The following PBX1 variants were observed in gnomAD, a reference collection of about 807,000 sequenced individuals.
The protein encoded by PBX1 is PBX homeobox 1, also known as pre-B-cell leukemia transcription factor 1.
A neutral mutation model predicts 53.4 loss-of-function variants in PBX1; 6 were observed. The ratio of observed to expected loss-of-function variants is 0.11; its 90% CI spans 0.06 to 0.22. The LOEUF (loss-of-function observed/expected upper bound fraction) is 0.22, where lower values mean the gene tolerates loss of function less well. Ranked by LOEUF, PBX1 falls within the 10% of genes least tolerant of loss-of-function variation. The pLI is 1.00. For synonymous variants in PBX1, 204 were observed against 212.3 expected, an observed-to-expected ratio of 0.96 and a Z score of 0.34; for missense variants, 251 against 551.4, an observed-to-expected ratio of 0.46 and a Z score of 5.46.
rs748537001 is a variant in PBX1, at chr1:164,564,827, T to A, written c.265+1516T>A. ...CTTAAGTGTGTGTGTATATATATAT[T>A]TATATATATTTTTTTATCTTCTCTC... On this transcript the variant is annotated intron_variant, in intron 2 of 8. Coordinates refer to ENST00000420696, the MANE Select transcript of PBX1 (RefSeq NM_002585.4). Among the ~76,000 whole-genome samples, 67 of 151,650 alleles carry A rather than the reference T, an allele frequency of 4.4e-4. 1 individual carries two copies. The Middle Eastern group carries it at 0.01, about 23-fold the overall frequency.
intron 8 of PBX1, among the ~76,000 whole-genome samples, chr1:164,841,360 G>A (rs1271451060): frequency 6.6e-6 from 1 of 152,160 alleles, no homozygotes; most frequent in East Asian, 1.9e-4. Context: ...GTGTTGATAG[G>A]GGAAGTAAGC....
intron 2 of PBX1, among the ~76,000 whole-genome samples, chr1:164,743,136 C>A (rs1665704559): frequency 6.6e-6 from 1 of 152,124 alleles, no homozygotes; most frequent in Non-Finnish European, 1.5e-5. Flanking sequence ...GGTATTTTAG[C>A]TATTGTATTC....
chr1:164,834,684 A>G (rs1303264632), intron 8 of PBX1, among the ~76,000 whole-genome samples: 1 of 151,530 alleles, frequency 6.6e-6, no homozygotes, highest in Non-Finnish European at 1.5e-5. Flanking sequence ...AACTATTAAC[A>G]CTCTTCACAG....
chr1:164,849,510 T>A lies in PBX1; in HGVS notation c.*2834T>A. On this transcript the variant is annotated 3_prime_UTR_variant, in exon 9 of 9. Coordinates refer to ENST00000420696, the MANE Select transcript of PBX1 (RefSeq NM_002585.4). ...TTCCTGGGAATTCACATGAGGCCAG[T>A]CCTACAGAGAGCAAGATGCACCCCA... 1 of 1,473,192 alleles carries A rather than the reference T, an allele frequency of 6.8e-7. No homozygotes were observed. The highest frequency in any genetic ancestry group is 1.4e-5 in the African/African-American group (1 of 71,824). 91.3% of individuals were successfully genotyped at this position (1,473,192 alleles called of 1,614,324 possible). A position where few individuals can be genotyped will look rare whatever the true frequency, so the allele number is the denominator to read the frequency against.
At chr1:164,587,078 G>A (rs1654998949) in intron 2 of PBX1, among the ~76,000 whole-genome samples, 1 of 152,142 alleles carries the variant, frequency 6.6e-6, no homozygotes, top group Admixed American at 6.6e-5. Context: ...GCAGCATAGG[G>A]TGTTGTTTGT....
At chr1:164,642,233 C>T (rs1659187460) in intron 2 of PBX1, 1 of 152,116 alleles carries the variant, frequency 6.6e-6, no homozygotes, top group African/African-American at 2.4e-5. Flanking sequence ...TCAGAACGGA[C>T]AGAACCAAGT....
At chr1:164,677,179 G>A (rs926896369) in intron 2 of PBX1, among the ~76,000 whole-genome samples, 3 of 148,500 alleles carry the variant, frequency 2.0e-5, no homozygotes, top group Non-Finnish European at 4.4e-5. Context: ...TGCAAGCTCC[G>A]CTTCCCGGGT....
At chr1:164,724,075 A>G (rs986786703) in intron 2 of PBX1, among the ~76,000 whole-genome samples, 1 of 152,226 alleles carries the variant, frequency 6.6e-6, no homozygotes, top group African/African-American at 2.4e-5. Flanking sequence ...TAGAAGTTCA[A>G]AAGCATTTTA....
At chr1:164,606,146 G>A (rs1339449612) in intron 2 of PBX1, among the ~76,000 whole-genome samples, 1 of 152,156 alleles carries the variant, frequency 6.6e-6, no homozygotes, top group Non-Finnish European at 1.5e-5. Context: ...GTTGTAATTT[G>A]TTGTGTATAT....
intron 2 of PBX1, among the ~76,000 whole-genome samples, chr1:164,884,020 A>T (rs185840814): frequency 6.6e-6 from 1 of 152,294 alleles, no homozygotes; most frequent in East Asian, 1.9e-4. Flanking sequence ...CCATTGGTCA[A>T]ATTACGAGCA....
At chr1:164,733,288 CA>C (rs761870862) in intron 2 of PBX1, among the ~76,000 whole-genome samples, 4 of 152,160 alleles carry the variant, frequency 2.6e-5, no homozygotes, top group South Asian at 4.1e-4. Context: ...CCTTGTGACT[CA>C]TTCATTGTTG....
At chr1:164,649,531 C>T (rs1659664472) in intron 2 of PBX1, among the ~76,000 whole-genome samples, 1 of 152,136 alleles carries the variant, frequency 6.6e-6, no homozygotes, top group South Asian at 2.1e-4. Flanking sequence ...GCGAAAGTGG[C>T]TGTTTTCTGG....
At position 164,733,393 on chromosome 1, in the gene PBX1, A is replaced by T. The variant is rs750754710; in HGVS notation, c.266-59101A>T. Among the ~76,000 whole-genome samples, 5 of 152,266 alleles carry T rather than the reference A, an allele frequency of 3.3e-5. No homozygotes were observed. The South Asian group carries it at 1.0e-3, about 32-fold the overall frequency. ...TGGGTCCTGTGCATCTCTGTGAACC[A>T]CCAAGGGTACATAGGGCCTTATTTC... On this transcript the variant is annotated intron_variant, in intron 2 of 8. Coordinates refer to ENST00000420696, the MANE Select transcript of PBX1 (RefSeq NM_002585.4).
At chr1:164,778,010 A>C (rs1238158625) in intron 2 of PBX1, among the ~76,000 whole-genome samples, 1 of 152,190 alleles carries the variant, frequency 6.6e-6, no homozygotes. Context: ...AACCTTCAAA[A>C]TGCCTTTCCT....
At chr1:164,735,584 T>G (rs1665222918) in intron 2 of PBX1, among the ~76,000 whole-genome samples, 2 of 152,208 alleles carry the variant, frequency 1.3e-5, no homozygotes, top group African/African-American at 2.4e-5. Flanking sequence ...AACATATTCA[T>G]TTAGCTTTCA....
At chr1:164,660,831 A>G (rs368300755) in intron 2 of PBX1, among the ~76,000 whole-genome samples, 4 of 152,338 alleles carry the variant, frequency 2.6e-5, no homozygotes, top group East Asian at 3.9e-4. Flanking sequence ...GTGCCTACAA[A>G]TAACATATCA....
intron 8 of PBX1, among the ~76,000 whole-genome samples, chr1:164,823,424 G>T (rs1670263167): frequency 6.6e-6 from 1 of 152,148 alleles, no homozygotes; most frequent in African/African-American, 2.4e-5. Flanking sequence ...GCTTTGCTCT[G>T]TGCATAAGCA....
chr1:164,648,224 T>C (rs1472342733), intron 2 of PBX1, among the ~76,000 whole-genome samples: 1 of 152,120 alleles, frequency 6.6e-6, no homozygotes, highest in Non-Finnish European at 1.5e-5. Flanking sequence ...AAGAAAGGCT[T>C]ATTATTAGGG....
chr1:164,616,869 T>G (rs1484371743), intron 2 of PBX1, among the ~76,000 whole-genome samples: 2 of 152,202 alleles, frequency 1.3e-5, no homozygotes, highest in East Asian at 3.9e-4. Context: ...CTTTGAGAAA[T>G]GGAATATGTT....
Sources: gnomAD v4.1 joint callset for allele counts (sites outside exome capture counted in the v4.1 genomes callset) on GRCh38, gnomAD v4.1.1 for gene constraint, MANE v1.5 for transcripts, NCBI Gene and HGNC (gene_info 2026-07-23, HGNC 2026-07-21) for gene names.